Variants in OPHN1 observed in about 807,000 individuals in gnomAD.
The protein encoded by OPHN1 is oligophrenin 1, also known as oligophrenin-1.
Under a neutral mutation model 60.7 loss-of-function variants are expected in OPHN1, and 11 were observed. The ratio of observed to expected loss-of-function variants is 0.18; its 90% confidence interval spans 0.11 to 0.30. OPHN1 has a LOEUF of 0.30. Ranked by LOEUF, OPHN1 falls within the 10% of genes least tolerant of loss-of-function variation. The pLI is 1.00. For missense variants in OPHN1, 449 were observed against 611.0 expected (o/e 0.73, Z 2.80); for synonymous variants, 226 against 222.6 (o/e 1.02, Z -0.14).
intron 15 of OPHN1, among the ~76,000 whole-genome samples, chrX:68,143,989 T>C (rs1401932722): frequency 9.0e-6 from 1 of 111,352 alleles, no homozygotes; most frequent in Non-Finnish European, 1.9e-5. Flanking sequence ...TCAGGACTTG[T>C]TCAGGAAGAG....
At chrX:68,055,367 G>A (rs2076868494) in intron 21 of OPHN1, among the ~76,000 whole-genome samples, 1 of 112,048 alleles carries the variant, frequency 8.9e-6, no homozygotes, top group Non-Finnish European at 1.9e-5. Flanking sequence ...CATCATCACT[G>A]GTCATCAGAG....
chrX:68,377,410 ATTTT>A (rs1232899345), intron 2 of OPHN1, among the ~76,000 whole-genome samples: 1 of 105,591 alleles, frequency 9.5e-6, no homozygotes, highest in Non-Finnish European at 1.9e-5. Flanking sequence ...CTTTTTTTTT[ATTTT>A]TTTATTTTTT....
chrX:68,321,617 CA>C (rs1163613393), intron 2 of OPHN1, among the ~76,000 whole-genome samples: 1 of 111,969 alleles, frequency 8.9e-6, no homozygotes, highest in Non-Finnish European at 1.9e-5. Flanking sequence ...TATGAGGACT[CA>C]AAGGCATAAG....
At chrX:68,234,359 A>G in intron 6 of OPHN1, 128 bp downstream of exon 6, 1 of 551,330 alleles carries the variant, frequency 1.8e-6, no homozygotes, top group Non-Finnish European at 3.2e-6. Flanking sequence ...AGTTTTGACT[A>G]CAAGTGCTAC....
intron 5 of OPHN1, among the ~76,000 whole-genome samples, chrX:68,238,972 GGTTCTTGCCGTGGT>G: frequency 9.0e-6 from 1 of 111,529 alleles, no homozygotes; most frequent in Non-Finnish European, 1.9e-5. Flanking sequence ...CTGTATCCCG[GGTTCTTGCCGTGGT>G]GTACCGGAAA....
intron 5 of OPHN1, among the ~76,000 whole-genome samples, chrX:68,261,403 G>A (rs1034193644): frequency 3.6e-5 from 4 of 111,758 alleles, no homozygotes; most frequent in Admixed American, 9.5e-5. Context: ...TCTACACTGC[G>A]GGATGAAAGA....
At chrX:68,274,644 G>T in intron 5 of OPHN1, 94 bp downstream of exon 5, 1 of 602,468 alleles carries the variant, frequency 1.7e-6, no homozygotes, top group Non-Finnish European at 2.8e-6. Context: ...AGCACCAGCA[G>T]ATTGGTGCAT....
intron 2 of OPHN1, among the ~76,000 whole-genome samples, chrX:68,349,327 T>G (rs1046878286): frequency 8.9e-6 from 1 of 112,021 alleles, no homozygotes; most frequent in African/African-American, 3.2e-5. Flanking sequence ...TCACTGGTCA[T>G]TAGAGAAACG....
rs945014125 is a variant in OPHN1, at chrX:68,407,273, C to T, written c.154+25594G>A. Among the ~76,000 whole-genome samples the T allele has an allele frequency of 2.7e-5, 3 of 112,180 alleles. No homozygotes were observed. In the Admixed American group the frequency reaches 2.9e-4, roughly 11 times the overall value. ...AGTTAATGGTCCAGAAATCGACAGA[C>T]CTGGGTTCTAGCCATCATGTGTCCA... On this transcript the variant is annotated intron_variant, in intron 2 of 24. Coordinates refer to ENST00000355520, the MANE Select transcript of OPHN1 (RefSeq NM_002547.3).
chrX:68,382,950 T>C (rs1215895480), intron 2 of OPHN1, among the ~76,000 whole-genome samples: 3 of 111,434 alleles, frequency 2.7e-5, no homozygotes, highest in African/African-American at 9.8e-5. Context: ...TTTTCGGTGA[T>C]AGGCAAGATC....
At chrX:68,096,682 A>C (rs182006618) in intron 19 of OPHN1, among the ~76,000 whole-genome samples, 188 bp downstream of exon 19, 1 of 111,815 alleles carries the variant, frequency 8.9e-6, no homozygotes, top group African/African-American at 3.2e-5. Context: ...TATAGTTATA[A>C]GCTTAAGCAA....
intron 20 of OPHN1, chrX:68,071,420 TG>T: frequency 2.4e-6 from 2 of 833,511 alleles, no homozygotes. Flanking sequence ...TCCAGCAGGA[TG>T]ACAGACCCAG....
intron 2 of OPHN1, among the ~76,000 whole-genome samples, chrX:68,340,954 C>T (rs1426222136): frequency 1.9e-5 from 2 of 104,354 alleles, no homozygotes; most frequent in Non-Finnish European, 3.9e-5. Context: ...TGCAGCGAGC[C>T]GAGATCACAC....
At chrX:68,275,192 G>T (rs1159102936) in intron 4 of OPHN1, among the ~76,000 whole-genome samples, 1 of 112,109 alleles carries the variant, frequency 8.9e-6, no homozygotes, top group Non-Finnish European at 1.9e-5. Context: ...TTCATCAGAG[G>T]CAAATGAGTG....
intron 2 of OPHN1, among the ~76,000 whole-genome samples, chrX:68,339,077 G>GA (rs202083174): frequency 3.6e-4 from 33 of 92,162 alleles, no homozygotes; most frequent in South Asian, 9.9e-4. Flanking sequence ...GACCCTGTCT[G>GA]AAAAAAAAAA....
chrX:68,234,595 G>A lies in OPHN1; in HGVS notation c.385-7C>T. ...CAAATTTCTTTTTCCGCTCCTAAAG[G>A]TGGGAAAGAAGGGCAAAGATTAAAT... On this transcript the variant is annotated splice_polypyrimidine_tract_variant and splice_region_variant and intron_variant, in intron 5 of 24. Transcript: ENST00000355520. 2 of 1,150,196 alleles carry A rather than the reference G, an allele frequency of 1.7e-6. No individual in the cohort carries two copies. Among genetic ancestry groups the A allele is most frequent in the Non-Finnish European group, 2.4e-6 (2 of 839,371 alleles). 94.8% of individuals were successfully genotyped at this position (1,150,196 alleles called of 1,213,427 possible). A position where few individuals can be genotyped will look rare whatever the true frequency, so the allele number is the denominator to read the frequency against.
At chrX:68,356,810 A>AT (rs1356263521) in intron 2 of OPHN1, among the ~76,000 whole-genome samples, 4 of 111,232 alleles carry the variant, frequency 3.6e-5, no homozygotes, top group Non-Finnish European at 7.5e-5. Flanking sequence ...AAATGCAGAG[A>AT]TTTTTTAAAA....
In OPHN1 at chrX:68,062,084, C is replaced by T. The variant is rs1212811488; in HGVS notation, c.2158+1770G>A. On this transcript the variant is annotated intron_variant, in intron 21 of 24. Transcript: ENST00000355520. ...TTTCTCTAGAAAGTTTGGAACCAAA[C>T]CTGTGACACTGCTCCACCAAGTGTT... Among the ~76,000 whole-genome samples, 3 of 111,929 alleles carry T rather than the reference C, an allele frequency of 2.7e-5. No individual in the cohort carries two copies. In the East Asian group the frequency reaches 8.4e-4, roughly 31 times the overall value.
chrX:68,386,621 G>T (rs1286522232), intron 2 of OPHN1, among the ~76,000 whole-genome samples: 1 of 111,516 alleles, frequency 9.0e-6, no homozygotes, highest in African/African-American at 3.3e-5. Flanking sequence ...CAAACTCTAG[G>T]GTCTAATGTT....
Sources: allele counts gnomAD v4.1 joint callset (sites outside exome capture counted in the v4.1 genomes callset), GRCh38; gene constraint gnomAD v4.1.1; transcripts MANE v1.5; gene names NCBI Gene and HGNC (gene_info 2026-07-23, HGNC 2026-07-21).